GRIN2B: variants seen among roughly 807,000 people sequenced by gnomAD.
The protein encoded by GRIN2B is glutamate ionotropic receptor NMDA type subunit 2B.
GRIN2B carries 5 observed loss-of-function variants against 114.5 expected under a neutral mutation model. That is an observed-to-expected ratio of 0.04 (90% CI 0.02 to 0.09). The LOEUF (loss-of-function observed/expected upper bound fraction) is 0.09. Ranked by LOEUF, GRIN2B falls within the 10% of genes least tolerant of loss-of-function variation. The pLI is 1.00. For synonymous variants in GRIN2B, 787 were observed against 745.1 expected, an observed-to-expected ratio of 1.06 and a Z score of -0.92; for missense variants, 1,108 against 1,943.5, an observed-to-expected ratio of 0.57 and a Z score of 8.08.
chr12:13,808,881 C>G (rs572124236), intron 3 of GRIN2B, among the ~76,000 whole-genome samples: 1 of 151,774 alleles, frequency 6.6e-6, no homozygotes, highest in Non-Finnish European at 1.5e-5. Context: ...CCAGTCATGA[C>G]AAAAACAAAA....
intron 5 of GRIN2B, among the ~76,000 whole-genome samples, chr12:13,638,866 C>T (rs956132410): frequency 5.3e-5 from 8 of 152,058 alleles, no homozygotes; most frequent in Admixed American, 2.0e-4. Context: ...GGACATTACC[C>T]CATTTCTTAC....
chr12:13,908,523 G>A (rs1391493006), intron 2 of GRIN2B, among the ~76,000 whole-genome samples: 2 of 152,192 alleles, frequency 1.3e-5, no homozygotes, highest in Non-Finnish European at 2.9e-5. Flanking sequence ...GTAACTAGCA[G>A]ATGATGGATT....
chr12:13,801,618 T>G (rs747874784), intron 3 of GRIN2B, among the ~76,000 whole-genome samples: 3 of 152,054 alleles, frequency 2.0e-5, no homozygotes, highest in Non-Finnish European at 4.4e-5. Flanking sequence ...TGATTGATAC[T>G]CCAAAGAATT....
rs181240303 is a variant in GRIN2B at position 13,899,915 on chromosome 12, A to G, written c.-18-33689T>C. On this transcript the variant is annotated intron_variant, in intron 2 of 13. Coordinates refer to ENST00000609686, the MANE Select transcript of GRIN2B (RefSeq NM_000834.5). The stretch of plus-strand genomic sequence containing the variant: ...CTCACATGCTATATCTCTAAGCTGT[A>G]TAACAGCCTTATATCCTACCAGCTC... Among the ~76,000 whole-genome samples the G allele has an allele frequency of 1.5e-3, 221 of 152,316 alleles. 1 individual carries two copies. The highest frequency in any genetic ancestry group is 3.4e-3 in the Middle Eastern group (1 of 294).
Position 13,624,975 on chromosome 12 carries a change from T to C in GRIN2B, c.1126-8318A>G, listed in dbSNP as rs138693867. ...ACTCACCTGCCAGGAATAGAAGTTG[T>C]TGATTCTCTCAGCACCAGAGAGCTG... On this transcript the variant is annotated intron_variant, in intron 5 of 13. Coordinates refer to ENST00000609686, the MANE Select transcript of GRIN2B (RefSeq NM_000834.5). Among the ~76,000 whole-genome samples, 56 of 152,318 alleles carry C rather than the reference T, an allele frequency of 3.7e-4. 1 individual carries two copies. The highest frequency in any genetic ancestry group is 1.3e-3 in the African/African-American group (56 of 41,574).
At chr12:13,580,854 A>G (rs955312753) in intron 10 of GRIN2B, among the ~76,000 whole-genome samples, 2 of 152,040 alleles carry the variant, frequency 1.3e-5, no homozygotes, top group African/African-American at 4.8e-5. Flanking sequence ...TTTGCTCTTA[A>G]CCTCCAGCCA....
rs905924088 is a variant in GRIN2B at position 13,585,848 on chromosome 12, G to A, written c.2011-13884C>T. On this transcript the variant is annotated intron_variant, in intron 10 of 13. Transcript: ENST00000609686. Reference sequence around the variant, plus strand: ...CTCCATCTCTTTTGTTTTTAATTTAGTCTCCACACATGTATTGAGTACCTA... The same window carrying A: ...CTCCATCTCTTTTGTTTTTAATTTAATCTCCACACATGTATTGAGTACCTA... Among the ~76,000 whole-genome samples, 7 of 152,172 alleles carry A rather than the reference G, an allele frequency of 4.6e-5. No homozygotes were observed. In the East Asian group the frequency reaches 1.2e-3, roughly 25 times the overall value.
intron 4 of GRIN2B, among the ~76,000 whole-genome samples, chr12:13,691,898 T>G (rs898398075): frequency 2.0e-5 from 3 of 152,136 alleles, no homozygotes; most frequent in African/African-American, 7.2e-5. Context: ...AAAAACCACC[T>G]AGAGGAGATG....
At position 13,554,380 on chromosome 12, in the gene GRIN2B, T is replaced by C. The variant is rs1948452720; in HGVS notation, c.*8403A>G. 6.6e-6 allele frequency: 1 copy of C among 152,276 alleles called. No individual in the cohort carries two copies. Among genetic ancestry groups the C allele is most frequent in the Non-Finnish European group, 1.5e-5 (1 of 68,028 alleles). The allele number at this position is 152,276 out of a possible 1,614,324, so 9.4% of individuals were successfully genotyped here. ...AGTTGTTCTGGTCTTTGAAGACTTA[T>C]ATAGAGGGAATGGATATTATTCAAG... On this transcript the variant is annotated 3_prime_UTR_variant, in exon 14 of 14. Transcript: ENST00000609686.
intron 8 of GRIN2B, among the ~76,000 whole-genome samples, chr12:13,614,016 CAAAAAAAAA>C (rs77527098): frequency 1.4e-4 from 13 of 92,906 alleles, no homozygotes; most frequent in African/African-American, 2.2e-4. Context: ...CCTTGCACAG[CAAAAAAAAA>C]AAAAAAAAAA....
At chr12:13,962,938 G>A (rs1445019255) in intron 2 of GRIN2B, among the ~76,000 whole-genome samples, 1 of 152,156 alleles carries the variant, frequency 6.6e-6, no homozygotes, top group East Asian at 1.9e-4. Flanking sequence ...GTCTCCCCCT[G>A]GCTGTCAGAG....
intron 4 of GRIN2B, among the ~76,000 whole-genome samples, chr12:13,709,195 T>A (rs897145650): frequency 6.6e-6 from 1 of 151,956 alleles, no homozygotes; most frequent in Non-Finnish European, 1.5e-5. Flanking sequence ...GAATTCAAAG[T>A]GTCACCAAAC....
chr12:13,585,944 A>C (rs1948916937), intron 10 of GRIN2B, among the ~76,000 whole-genome samples: 1 of 152,252 alleles, frequency 6.6e-6, no homozygotes, highest in South Asian at 2.1e-4. Flanking sequence ...TCAGGCTTTT[A>C]GGACTAATGG....
intron 2 of GRIN2B, among the ~76,000 whole-genome samples, chr12:13,892,693 TC>T (rs1316885774): frequency 2.6e-5 from 4 of 152,152 alleles, no homozygotes; most frequent in African/African-American, 9.7e-5. Context: ...CAAAACAGTC[TC>T]CTAAGCTTTG....
intron 2 of GRIN2B, among the ~76,000 whole-genome samples, chr12:13,951,918 A>C (rs1049548094): frequency 6.6e-6 from 1 of 152,224 alleles, no homozygotes; most frequent in South Asian, 2.1e-4. Context: ...AAAAGAAAGA[A>C]AAAGAAAGCT....
At chr12:13,638,745 C>T (rs896256336) in intron 5 of GRIN2B, among the ~76,000 whole-genome samples, 17 of 152,062 alleles carry the variant, frequency 1.1e-4, no homozygotes, top group African/African-American at 3.4e-4. Flanking sequence ...ATAAGGTTGG[C>T]GGAAGCTTCC....
intron 10 of GRIN2B, among the ~76,000 whole-genome samples, chr12:13,589,852 C>T (rs1948981962): frequency 6.6e-6 from 1 of 152,090 alleles, no homozygotes; most frequent in South Asian, 2.1e-4. Flanking sequence ...CACTGGGACT[C>T]GGCCTCTCCC....
intron 4 of GRIN2B, among the ~76,000 whole-genome samples, chr12:13,711,014 T>C (rs1236989032): frequency 6.6e-6 from 1 of 152,134 alleles, no homozygotes; most frequent in African/African-American, 2.4e-5. Flanking sequence ...AGCATGGTAC[T>C]GGTACCAAAA....
At chr12:13,774,346 G>A (rs1350821399) in intron 3 of GRIN2B, among the ~76,000 whole-genome samples, 3 of 152,194 alleles carry the variant, frequency 2.0e-5, no homozygotes, top group Non-Finnish European at 4.4e-5. Flanking sequence ...TGTGGTGAAA[G>A]GTGAGCATCC....
Sources: allele counts gnomAD v4.1 joint callset (sites outside exome capture counted in the v4.1 genomes callset), GRCh38; gene constraint gnomAD v4.1.1; transcripts MANE v1.5; gene names NCBI Gene and HGNC (gene_info 2026-07-23, HGNC 2026-07-21).